Variants in KCNQ1OT1 observed in about 807,000 individuals in gnomAD.
KCNQ1OT1 encodes KCNQ1 antisense RNA 2 (non-protein coding).
At position 2,669,306 on chromosome 11, in the gene KCNQ1OT1, G is replaced by A. The variant is rs1850140279; in HGVS notation, n.30689C>T. ...GTTTCTCCTCACCATACATATGCCA[G>A]TTGCCATGGAAAGCCTCCTCTAGGC... is the stretch of plus-strand genomic sequence containing the variant. On this transcript the variant is annotated non_coding_transcript_exon_variant, in exon 1 of 1. Coordinates refer to ENST00000597346, the Ensembl canonical transcript of KCNQ1OT1. The surrounding 1 kb of genome is among the most constrained non-coding windows in gnomAD (Gnocchi z 5.6). 5.0e-6 allele frequency: 2 copies of A among 398,654 alleles called. No homozygotes were observed. The highest frequency in any genetic ancestry group is 8.8e-6 in the Non-Finnish European group (2 of 226,076). The allele number at this position is 398,654 out of a possible 1,614,324, so 24.7% of individuals were successfully genotyped here. A position where few individuals can be genotyped will look rare whatever the true frequency, so the allele number is the denominator to read the frequency against.
exon 1 of KCNQ1OT1, chr11:2,625,891 A>G (rs910821042): frequency 2.5e-6 from 1 of 398,532 alleles, no homozygotes; most frequent in Non-Finnish European, 4.4e-6. Context: ...TTTCAGGTGC[A>G]TTGTTTTTTG....
chr11:2,668,663 G>C lies in KCNQ1OT1; in HGVS notation n.31332C>G, dbSNP rs1230703623. ...GGTCCTATATATCTTTAGATATTCT[G>C]GAGTCATTTGTCAGAGAGAGAGATA... On this transcript the variant is annotated non_coding_transcript_exon_variant, in exon 1 of 1. Transcript: ENST00000597346. This position sits in a 1 kb window ranked among gnomAD's most constrained non-coding sequence, Gnocchi z 4.3. 2.5e-6 allele frequency: 1 copy of C among 398,338 alleles called. No individual in the cohort carries two copies. The highest frequency in any genetic ancestry group is 4.4e-5 in the Admixed American group (1 of 22,698). 24.7% of individuals were successfully genotyped at this position (398,338 alleles called of 1,614,324 possible).
In KCNQ1OT1 at chr11:2,654,386, AG is replaced by A. The variant is rs1255026078; in HGVS notation, n.45608del. The stretch of plus-strand genomic sequence containing the variant: ...TCATCCTTGTGAAGTAGGCTGGCTC[AG>A]GGAACTCGCCTGTGCCAAACCCTGG... On this transcript the variant is annotated non_coding_transcript_exon_variant, in exon 1 of 1. Coordinates refer to ENST00000597346, the Ensembl canonical transcript of KCNQ1OT1. The surrounding 1 kb of genome is among the most constrained non-coding windows in gnomAD (Gnocchi z 6.4). 2.5e-5 allele frequency: 10 copies of A among 398,628 alleles called. No homozygotes were observed. In the East Asian group the frequency reaches 2.9e-4, roughly 11 times the overall value. 24.7% of individuals were successfully genotyped at this position (398,628 alleles called of 1,614,324 possible).
chr11:2,675,843 A>G (rs1850284118), exon 1 of KCNQ1OT1: 6 of 398,598 alleles, frequency 1.5e-5, no homozygotes, highest in Non-Finnish European at 2.7e-5. Flanking sequence ...CCGTGCATCC[A>G]CTGCCTGGCC....
rs1849209218 is a variant in KCNQ1OT1 at position 2,623,520 on chromosome 11, G to A, written n.76475C>T. ...AATGCAATATGATTGGAATCATACAGTATGTAGTTTCTTCAGATTGCCTTA... is the reference window on the plus strand; with the variant it reads ...AATGCAATATGATTGGAATCATACAATATGTAGTTTCTTCAGATTGCCTTA... On this transcript the variant is annotated non_coding_transcript_exon_variant, in exon 1 of 1. Coordinates refer to ENST00000597346, the Ensembl canonical transcript of KCNQ1OT1. This position sits in a 1 kb window ranked among gnomAD's most constrained non-coding sequence, Gnocchi z 5.2. 1 of 398,364 alleles carries A rather than the reference G, an allele frequency of 2.5e-6. No homozygotes were observed. The highest frequency in any genetic ancestry group is 4.4e-5 in the Admixed American group (1 of 22,704). The allele number at this position is 398,364 out of a possible 1,614,324, so 24.7% of individuals were successfully genotyped here. A position where few individuals can be genotyped will look rare whatever the true frequency, so the allele number is the denominator to read the frequency against.
At chr11:2,631,135 G>C (rs957946004) in exon 1 of KCNQ1OT1, 5 of 398,408 alleles carry the variant, frequency 1.3e-5, no homozygotes, top group African/African-American at 6.2e-5. Flanking sequence ...AAGAGCCCCA[G>C]ATATGGGAAG....
At chr11:2,618,917 A>T (rs1413253641) in exon 1 of KCNQ1OT1, 1 of 398,194 alleles carries the variant, frequency 2.5e-6, no homozygotes, top group East Asian at 3.6e-5. Context: ...ATTTATTCCT[A>T]AGCAATTTTT....
rs1044937378 is a variant in KCNQ1OT1, at chr11:2,654,661, A to C, written n.45334T>G. 2 of 398,896 alleles carry C rather than the reference A, an allele frequency of 5.0e-6. No individual in the cohort carries two copies. Among genetic ancestry groups the C allele is most frequent in the East Asian group, 3.6e-5 (1 of 28,088 alleles). The allele number at this position is 398,896 out of a possible 1,614,324, so 24.7% of individuals were successfully genotyped here. A position where few individuals can be genotyped will look rare whatever the true frequency, so the allele number is the denominator to read the frequency against. On this transcript the variant is annotated non_coding_transcript_exon_variant, in exon 1 of 1. Coordinates refer to ENST00000597346, the Ensembl canonical transcript of KCNQ1OT1. This position sits in a 1 kb window ranked among gnomAD's most constrained non-coding sequence, Gnocchi z 6.4. ...CGAGAGTCTCTTGAGGGCAGAGGGC[A>C]GCAGAGATGGGCTGGAGCTTTGAGC...
chr11:2,679,300 T>A lies in KCNQ1OT1; in HGVS notation n.20695A>T. ...ATCCATAGCCAAAGACAGGGGCTAA[T>A]AACAGGGTCTGGAGTCTGAACTCAT... On this transcript the variant is annotated non_coding_transcript_exon_variant, in exon 1 of 1. Transcript: ENST00000597346. The surrounding 1 kb of genome is among the most constrained non-coding windows in gnomAD (Gnocchi z 4.8). The A allele has an allele frequency of 2.5e-6, 1 of 398,654 alleles. No homozygotes were observed. Among genetic ancestry groups the A allele is most frequent in the South Asian group, 1.3e-4 (1 of 7,866 alleles). The allele number at this position is 398,654 out of a possible 1,614,324, so 24.7% of individuals were successfully genotyped here.
At position 2,691,260 on chromosome 11, in the gene KCNQ1OT1, G is replaced by A. The variant is rs1393527579; in HGVS notation, n.8735C>T. Reference sequence around the variant, plus strand: ...TTAACCCCTTGAGTCTCGGAAGGCTGTTTGAGCCACTAATCAGGAAGGAGA... The same window carrying A: ...TTAACCCCTTGAGTCTCGGAAGGCTATTTGAGCCACTAATCAGGAAGGAGA... On this transcript the variant is annotated non_coding_transcript_exon_variant, in exon 1 of 1. Coordinates refer to ENST00000597346, the Ensembl canonical transcript of KCNQ1OT1. This position sits in a 1 kb window ranked among gnomAD's most constrained non-coding sequence, Gnocchi z 6.4. 1.3e-5 allele frequency: 5 copies of A among 398,538 alleles called. No homozygotes were observed. The highest frequency in any genetic ancestry group is 1.3e-5 in the Non-Finnish European group (3 of 226,112). 24.7% of individuals were successfully genotyped at this position (398,538 alleles called of 1,614,324 possible).
At position 2,627,074 on chromosome 11, in the gene KCNQ1OT1, T is replaced by C. The variant is rs556058897; in HGVS notation, n.72921A>G. The C allele has an allele frequency of 7.5e-6, 3 of 398,578 alleles. No homozygotes were observed. Among genetic ancestry groups the C allele is most frequent in the East Asian group, 7.1e-5 (2 of 28,058 alleles). 24.7% of individuals were successfully genotyped at this position (398,578 alleles called of 1,614,324 possible). ...ATGAACATAGGAGGTGTTTTCCCTT[T>C]ATGTCTACTTTAATTTCTTTCAGCA... On this transcript the variant is annotated non_coding_transcript_exon_variant, in exon 1 of 1. Coordinates refer to ENST00000597346, the Ensembl canonical transcript of KCNQ1OT1. The surrounding 1 kb of genome is among the most constrained non-coding windows in gnomAD (Gnocchi z 4.9).
At chr11:2,625,380 C>G (rs918921779) in exon 1 of KCNQ1OT1, 1 of 398,490 alleles carries the variant, frequency 2.5e-6, no homozygotes, top group African/African-American at 2.1e-5. Context: ...CTTAACCTCC[C>G]ACGTAGCTGA....
At position 2,695,519 on chromosome 11, in the gene KCNQ1OT1, G is replaced by T; in HGVS notation, n.4476C>A. ...CTAGTCCCCTGCTCCTAACCACAGT[G>T]ACCAGCTCCAACTGCCCACCCCTAT... On this transcript the variant is annotated non_coding_transcript_exon_variant, in exon 1 of 1. Coordinates refer to ENST00000597346, the Ensembl canonical transcript of KCNQ1OT1. The surrounding 1 kb of genome is among the most constrained non-coding windows in gnomAD (Gnocchi z 5.2). 2.5e-6 allele frequency: 1 copy of T among 398,562 alleles called. No individual in the cohort carries two copies. The allele number at this position is 398,562 out of a possible 1,614,324, so 24.7% of individuals were successfully genotyped here.
At chr11:2,614,603 C>T in exon 1 of KCNQ1OT1, 1 of 398,496 alleles carries the variant, frequency 2.5e-6, no homozygotes, top group Non-Finnish European at 4.4e-6. Flanking sequence ...ATATGAGGAT[C>T]CAGTTGCCCC....
chr11:2,688,960 TGA>T (rs1334949176), exon 1 of KCNQ1OT1: 3 of 398,660 alleles, frequency 7.5e-6, no homozygotes, highest in African/African-American at 6.2e-5. Context: ...CCTAGGGCTC[TGA>T]GAGTAGGGGT....
In KCNQ1OT1 at chr11:2,687,759, A is replaced by T. The variant is rs1850515911; in HGVS notation, n.12236T>A. On this transcript the variant is annotated non_coding_transcript_exon_variant, in exon 1 of 1. Coordinates refer to ENST00000597346, the Ensembl canonical transcript of KCNQ1OT1. This position sits in a 1 kb window ranked among gnomAD's most constrained non-coding sequence, Gnocchi z 5.0. ...AAATCATGGGGAGACTGAGAAGAGG[A>T]GCCCCTTAGCAGGCCTAACCACACC... 1 of 398,558 alleles carries T rather than the reference A, an allele frequency of 2.5e-6. No homozygotes were observed. Among genetic ancestry groups the T allele is most frequent in the African/African-American group, 2.1e-5 (1 of 48,622 alleles). The allele number at this position is 398,558 out of a possible 1,614,324, so 24.7% of individuals were successfully genotyped here.
In KCNQ1OT1 at chr11:2,671,625, A is replaced by G; in HGVS notation, n.28370T>C. The stretch of plus-strand genomic sequence containing the variant: ...GCACCCTAAGTATAAACCTTGCCAC[A>G]GCAGTGTCCTGTGGTGCCCTGCTGG... On this transcript the variant is annotated non_coding_transcript_exon_variant, in exon 1 of 1. Transcript: ENST00000597346. This position sits in a 1 kb window ranked among gnomAD's most constrained non-coding sequence, Gnocchi z 4.7. 1 of 398,618 alleles carries G rather than the reference A, an allele frequency of 2.5e-6. No individual in the cohort carries two copies. Among genetic ancestry groups the G allele is most frequent in the Non-Finnish European group, 4.4e-6 (1 of 226,064 alleles). 24.7% of individuals were successfully genotyped at this position (398,618 alleles called of 1,614,324 possible). A position where few individuals can be genotyped will look rare whatever the true frequency, so the allele number is the denominator to read the frequency against.
chr11:2,619,520 T>C, exon 1 of KCNQ1OT1: 1 of 398,584 alleles, frequency 2.5e-6, no homozygotes, highest in Non-Finnish European at 4.4e-6. Context: ...TAATTCCACA[T>C]AGACATGATA....
exon 1 of KCNQ1OT1, chr11:2,699,374 C>G (rs1435997290): frequency 2.5e-6 from 1 of 399,716 alleles, no homozygotes; most frequent in South Asian, 1.2e-4. Context: ...CGCCCAGGTC[C>G]GTGCTGACCG....
Sources: allele counts gnomAD v4.1 joint callset, GRCh38; gene constraint gnomAD v4.1.1; non-coding constraint Gnocchi (gnomAD v3.1); transcripts MANE v1.5; gene names NCBI Gene and HGNC (gene_info 2026-07-23, HGNC 2026-07-21).